CLASP1: variants seen among roughly 807,000 people sequenced by gnomAD.
CLASP1 encodes CLIP-associating protein 1.
CLASP1 carries 38 observed loss-of-function variants against 192.3 expected under a neutral mutation model. The ratio of observed to expected loss-of-function variants is 0.20; its 90% CI spans 0.15 to 0.26. CLASP1 has a LOEUF of 0.26. Ranked by LOEUF, CLASP1 falls within the 10% of genes least tolerant of loss-of-function variation. CLASP1 has a pLI of 1.00. For synonymous variants in CLASP1, 691 were observed against 712.8 expected (o/e 0.97, Z 0.49); for missense variants, 1,433 against 1,932.5 (o/e 0.74, Z 4.85).
At chr2:121,438,666 C>A (rs2082731992) in intron 19 of CLASP1, among the ~76,000 whole-genome samples, 1 of 152,092 alleles carries the variant, frequency 6.6e-6, no homozygotes, top group African/African-American at 2.4e-5. Flanking sequence ...AGCCTTGCAT[C>A]CCAGGGATGA....
intron 2 of CLASP1, among the ~76,000 whole-genome samples, chr2:121,574,155 C>T (rs901085278): frequency 3.3e-5 from 5 of 152,096 alleles, no homozygotes; most frequent in Admixed American, 1.3e-4. Context: ...CAGTGAAACC[C>T]CGTCTCTACT....
intron 34 of CLASP1, among the ~76,000 whole-genome samples, chr2:121,376,140 A>C (rs182027596): frequency 2.6e-5 from 4 of 152,214 alleles, no homozygotes; most frequent in Non-Finnish European, 4.4e-5. Flanking sequence ...AAAACCTAAA[A>C]ATGGAACTAC....
intron 37 of CLASP1, among the ~76,000 whole-genome samples, chr2:121,357,331 T>G (rs2065605707): frequency 6.6e-6 from 1 of 152,144 alleles, no homozygotes; most frequent in Non-Finnish European, 1.5e-5. Flanking sequence ...AAAAGGATAC[T>G]ATCTTCAATT....
intron 33 of CLASP1, among the ~76,000 whole-genome samples, chr2:121,378,695 C>A (rs1033724499): frequency 1.3e-5 from 2 of 152,128 alleles, no homozygotes; most frequent in Admixed American, 6.5e-5. Flanking sequence ...AAGAAAAGAT[C>A]AGATGAATTC....
At chr2:121,441,194 G>A (rs113988199) in intron 19 of CLASP1, among the ~76,000 whole-genome samples, 2 of 152,254 alleles carry the variant, frequency 1.3e-5, no homozygotes, top group East Asian at 1.9e-4. Context: ...TGTTCCCTAC[G>A]TGTTTCAAAT....
intron 34 of CLASP1, among the ~76,000 whole-genome samples, chr2:121,375,357 T>C (rs1558936663): frequency 6.7e-6 from 1 of 149,462 alleles, no homozygotes; most frequent in Non-Finnish European, 1.5e-5. Flanking sequence ...TTACCTAGTT[T>C]CTGATTTTTT....
intron 7 of CLASP1, among the ~76,000 whole-genome samples, chr2:121,506,736 C>A (rs1027806814): frequency 6.6e-6 from 1 of 152,142 alleles, no homozygotes; most frequent in African/African-American, 2.4e-5. Context: ...TGAAAGCATG[C>A]CCCCAAAACA....
At chr2:121,571,446 G>C (rs1181814062) in intron 2 of CLASP1, among the ~76,000 whole-genome samples, 1 of 152,172 alleles carries the variant, frequency 6.6e-6, no homozygotes, top group East Asian at 1.9e-4. Context: ...TATATGCTGG[G>C]TACTGCTGTG....
intron 21 of CLASP1, among the ~76,000 whole-genome samples, chr2:121,426,542 C>T (rs776822497): frequency 6.6e-6 from 1 of 152,164 alleles, no homozygotes; most frequent in Non-Finnish European, 1.5e-5. Flanking sequence ...AAAACACACA[C>T]TTCCCACATA....
intron 23 of CLASP1, among the ~76,000 whole-genome samples, chr2:121,412,917 C>T (rs923006334): frequency 6.6e-6 from 1 of 152,158 alleles, no homozygotes; most frequent in East Asian, 1.9e-4. Context: ...ATACCTATGA[C>T]TGTGCTCTCA....
intron 1 of CLASP1, among the ~76,000 whole-genome samples, chr2:121,648,295 G>T (rs1237289418): frequency 2.0e-5 from 3 of 152,154 alleles, no homozygotes; most frequent in African/African-American, 7.2e-5. Context: ...ACTATTTCTC[G>T]CTTCTGACTC....
At position 121,525,933 on chromosome 2, in the gene CLASP1, G is replaced by A. The variant is rs2094563746; in HGVS notation, c.471-13C>T. On this transcript the variant is annotated splice_polypyrimidine_tract_variant and intron_variant, in intron 5 of 39. Coordinates refer to ENST00000263710, the Ensembl canonical transcript of CLASP1. ...CTGTGCTCCAGAGCTGAAAACAAAAGGAGTGCTTTCTTGTTAGTGAGAACT... is the reference window on the plus strand; with the variant it reads ...CTGTGCTCCAGAGCTGAAAACAAAAAGAGTGCTTTCTTGTTAGTGAGAACT... The A allele has an allele frequency of 6.2e-7, 1 of 1,606,014 alleles. No homozygotes were observed. Among genetic ancestry groups the A allele is most frequent in the Non-Finnish European group, 8.5e-7 (1 of 1,173,760 alleles).
chr2:121,339,266 T>A (rs1456059148), exon 40 of CLASP1: 1 of 152,342 alleles, frequency 6.6e-6, no homozygotes, highest in East Asian at 1.9e-4. Flanking sequence ...GCTTCCTGCA[T>A]CCAATGCAGA....
At chr2:121,613,113 T>C (rs2065882270) in intron 1 of CLASP1, among the ~76,000 whole-genome samples, 1 of 152,240 alleles carries the variant, frequency 6.6e-6, no homozygotes, top group Non-Finnish European at 1.5e-5. Context: ...CTATGAAGGC[T>C]ACTGAACACA....
chr2:121,447,362 C>G (rs1334092618), exon 19 of CLASP1: 2 of 1,590,934 alleles, frequency 1.3e-6, no homozygotes, highest in African/African-American at 2.7e-5. Flanking sequence ...ACCCTGGAGG[C>G]AAAGCTGCTG....
intron 1 of CLASP1, among the ~76,000 whole-genome samples, chr2:121,622,364 A>G (rs1249985406): frequency 6.6e-6 from 1 of 151,566 alleles, no homozygotes; most frequent in Non-Finnish European, 1.5e-5. Flanking sequence ...TGAATTCAGG[A>G]GTTTGAGACC....
At chr2:121,437,189 C>G (rs978232576) in intron 19 of CLASP1, among the ~76,000 whole-genome samples, 8 of 152,078 alleles carry the variant, frequency 5.3e-5, no homozygotes, top group Non-Finnish European at 8.8e-5. Flanking sequence ...GGCTTAACTC[C>G]TGGGCTCAAG....
intron 8 of CLASP1, among the ~76,000 whole-genome samples, chr2:121,499,396 G>T (rs1035548714): frequency 1.3e-5 from 2 of 152,004 alleles, no homozygotes; most frequent in African/African-American, 2.4e-5. Flanking sequence ...AAAATAGGAC[G>T]CCAGAAACTG....
intron 30 of CLASP1, among the ~76,000 whole-genome samples, chr2:121,391,672 G>A (rs952437855): frequency 1.3e-5 from 2 of 152,324 alleles, no homozygotes; most frequent in East Asian, 3.9e-4. Flanking sequence ...GGAGGCCAAG[G>A]TGGGCAGATC....
Sources: allele counts gnomAD v4.1 joint callset (sites outside exome capture counted in the v4.1 genomes callset), GRCh38; gene constraint gnomAD v4.1.1; transcripts MANE v1.5; gene names NCBI Gene and HGNC (gene_info 2026-07-23, HGNC 2026-07-21).